Variants in ZNF407 observed in about 807,000 individuals in gnomAD.
ZNF407 encodes zinc finger protein 407.
Under a neutral mutation model 131.2 loss-of-function variants are expected in ZNF407, and 17 were observed. That is an observed-to-expected ratio of 0.13 (90% CI 0.09 to 0.19). The LOEUF (loss-of-function observed/expected upper bound fraction) is 0.19, where lower values mean the gene tolerates loss of function less well. ZNF407 is among the 10% of genes least tolerant of loss of function. The pLI, the probability that ZNF407 is intolerant of heterozygous loss-of-function variation, is 1.00. For missense variants in ZNF407, 2,681 were observed against 2,830.6 expected (o/e 0.95, Z 1.20); for synonymous variants, 1,156 against 1,062.0 (o/e 1.09, Z -1.72).
At chr18:74,705,738 A>C (rs1967609626) in intron 3 of ZNF407, among the ~76,000 whole-genome samples, 2 of 152,244 alleles carry the variant, frequency 1.3e-5, no homozygotes, top group Admixed American at 6.5e-5. Flanking sequence ...ATAGAAAACA[A>C]ATACTGGACA....
chr18:74,893,862 GAT>G (rs1971419682), intron 7 of ZNF407, among the ~76,000 whole-genome samples: 1 of 151,922 alleles, frequency 6.6e-6, no homozygotes, highest in South Asian at 2.1e-4. Flanking sequence ...AATATCAATA[GAT>G]AAAAATTATT....
intron 8 of ZNF407, among the ~76,000 whole-genome samples, chr18:75,031,390 C>G (rs559500420): frequency 6.6e-5 from 10 of 152,144 alleles, no homozygotes; most frequent in Non-Finnish European, 1.5e-4. Flanking sequence ...TTTTCCTTAC[C>G]TTTTACCCGT....
At chr18:75,010,780 G>A (rs1307781310) in intron 8 of ZNF407, among the ~76,000 whole-genome samples, 2 of 152,096 alleles carry the variant, frequency 1.3e-5, no homozygotes, top group Non-Finnish European at 1.5e-5. Context: ...GACTAATAAC[G>A]GTTTTCACAT....
At chr18:74,622,750 GTGAA>G (rs940744456) in intron 1 of ZNF407, among the ~76,000 whole-genome samples, 21 of 152,074 alleles carry the variant, frequency 1.4e-4, no homozygotes, top group African/African-American at 4.8e-4. Flanking sequence ...GAGTGTGTGT[GTGAA>G]TGAATATTTG....
At chr18:74,820,197 A>G (rs1970321522) in intron 4 of ZNF407, among the ~76,000 whole-genome samples, 1 of 152,202 alleles carries the variant, frequency 6.6e-6, no homozygotes, top group Non-Finnish European at 1.5e-5. Flanking sequence ...GCAACACTGA[A>G]TAGATGGGAG....
chr18:74,626,148 G>A (rs114921459), intron 1 of ZNF407, among the ~76,000 whole-genome samples: 1 of 152,152 alleles, frequency 6.6e-6, no homozygotes, highest in African/African-American at 2.4e-5. Context: ...CCATCACTAG[G>A]CATCAGGGAA....
intron 8 of ZNF407, among the ~76,000 whole-genome samples, chr18:74,982,133 T>C (rs1972600055): frequency 6.6e-6 from 1 of 152,218 alleles, no homozygotes; most frequent in African/African-American, 2.4e-5. Flanking sequence ...ATTGAAAACA[T>C]GTGCCTACAA....
Position 74,633,102 on chromosome 18 carries a change from A to G in ZNF407, c.2083A>G (p.Asn695Asp), listed in dbSNP as rs1984217547. 7 of 1,613,780 alleles carry G rather than the reference A, an allele frequency of 4.3e-6. No individual in the cohort carries two copies. The East Asian group carries it at 8.9e-5, about 21-fold the overall frequency. ...EPLKSRVSHGNEVRHSSKPQF... is the reference protein window; with the variant it reads ...EPLKSRVSHGDEVRHSSKPQF... ...TCTGAAGTCCAGGGTAAGCCATGGTAATGAAGTGAGGCATTCCAGTAAGCC... is the reference window on the plus strand; with the variant it reads ...TCTGAAGTCCAGGGTAAGCCATGGTGATGAAGTGAGGCATTCCAGTAAGCC... Residue 695 changes from asparagine to aspartate, a missense_variant, in exon 2 of 9, where the codon AAT (asparagine) becomes GAT (aspartate). Asn to Asp is a conservative substitution (Grantham distance 23). Around this residue, in one of 6 missense-constraint regions of ZNF407, gnomAD observed 1,789 missense variants for 1,748.7 expected, o/e 1.02. Coordinates refer to ENST00000299687, the MANE Select transcript of ZNF407 (RefSeq NM_017757.3).
intron 1 of ZNF407, among the ~76,000 whole-genome samples, chr18:74,623,196 G>C (rs1234072853): frequency 2.0e-5 from 3 of 151,754 alleles, no homozygotes; most frequent in Non-Finnish European, 4.4e-5. Context: ...GTGTGTGTCT[G>C]TATGTCTGTG....
At chr18:75,032,834 A>G (rs1973258685) in intron 8 of ZNF407, among the ~76,000 whole-genome samples, 1 of 139,380 alleles carries the variant, frequency 7.2e-6, no homozygotes, top group African/African-American at 2.8e-5. Flanking sequence ...GTATTAGATA[A>G]CTAAGAGTGC....
At chr18:74,794,337 C>T (rs1157938489) in intron 4 of ZNF407, among the ~76,000 whole-genome samples, 1 of 151,872 alleles carries the variant, frequency 6.6e-6, no homozygotes, top group Non-Finnish European at 1.5e-5. Context: ...TCCTTTTTCT[C>T]TTTAGTGGCG....
chr18:74,919,381 GTTC>G (rs577074936), intron 7 of ZNF407, among the ~76,000 whole-genome samples: 108 of 152,164 alleles, frequency 7.1e-4, no homozygotes, highest in Non-Finnish European at 1.2e-3. Flanking sequence ...CCTACATAAA[GTTC>G]TTCTTAGAGC....
chr18:75,049,813 A>G (rs1195368897), intron 8 of ZNF407, among the ~76,000 whole-genome samples: 3 of 152,144 alleles, frequency 2.0e-5, no homozygotes, highest in Non-Finnish European at 4.4e-5. Flanking sequence ...GCTATTTGTC[A>G]ATGTTTCTGT....
chr18:74,999,566 G>A (rs17056127), intron 8 of ZNF407, among the ~76,000 whole-genome samples: 9,158 of 152,132 alleles, frequency 0.06, 904 homozygotes, highest in African/African-American at 0.2. Context: ...TATTGCTCAC[G>A]AATGTGCCAG....
At chr18:74,974,707 G>A (rs1439221170) in intron 8 of ZNF407, among the ~76,000 whole-genome samples, 2 of 152,108 alleles carry the variant, frequency 1.3e-5, no homozygotes, top group East Asian at 1.9e-4. Context: ...GGCATGAGGG[G>A]ACACTAATTT....
intron 3 of ZNF407, among the ~76,000 whole-genome samples, chr18:74,737,378 G>A (rs894081278): frequency 3.3e-5 from 5 of 152,090 alleles, no homozygotes; most frequent in Non-Finnish European, 7.3e-5. Flanking sequence ...ATCTTACTCT[G>A]GAGAAATGTA....
chr18:74,747,197 T>A (rs1182533336), intron 3 of ZNF407, among the ~76,000 whole-genome samples: 1 of 152,194 alleles, frequency 6.6e-6, no homozygotes, highest in Non-Finnish European at 1.5e-5. Context: ...ACTTTCTCTT[T>A]TTATTTCTTG....
intron 3 of ZNF407, among the ~76,000 whole-genome samples, chr18:74,672,670 C>T (rs1303278699): frequency 2.0e-5 from 3 of 152,134 alleles, no homozygotes; most frequent in African/African-American, 7.2e-5. Context: ...CATTGGAGCA[C>T]TGTTTTTATC....
intron 4 of ZNF407, among the ~76,000 whole-genome samples, chr18:74,805,235 C>T (rs1444975678): frequency 6.6e-6 from 1 of 152,022 alleles, no homozygotes; most frequent in Non-Finnish European, 1.5e-5. Flanking sequence ...TGAAAATAAT[C>T]GTCTTTCATC....
Sources: allele counts gnomAD v4.1 joint callset (sites outside exome capture counted in the v4.1 genomes callset), GRCh38; gene constraint gnomAD v4.1.1; regional missense constraint gnomAD v4.1.1; transcripts MANE v1.5; gene names NCBI Gene and HGNC (gene_info 2026-07-23, HGNC 2026-07-21).